Variants in DENND5A observed in about 807,000 individuals in gnomAD.
DENND5A encodes the protein DENN domain containing 5A.
Under a neutral mutation model 140.3 loss-of-function variants are expected in DENND5A, and 64 were observed. The observed-to-expected ratio is 0.46, with a 90% CI of 0.37 to 0.56. The LOEUF (loss-of-function observed/expected upper bound fraction) is 0.56. DENND5A is among the 20% of genes least tolerant of loss of function. The pLI, the probability that DENND5A is intolerant of heterozygous loss-of-function variation, is 0.00. For missense variants in DENND5A, 1,292 were observed against 1,593.8 expected (o/e 0.81, Z 3.22); for synonymous variants, 605 against 607.7 (o/e 1.00, Z 0.07).
chr11:9,151,887 ATTT>A (rs988698540), intron 13 of DENND5A, among the ~76,000 whole-genome samples: 2 of 152,204 alleles, frequency 1.3e-5, no homozygotes, highest in African/African-American at 4.8e-5. Context: ...AAACTCTGAC[ATTT>A]TTATTAGGTT....
At chr11:9,153,419 G>A (rs1170732300) in intron 12 of DENND5A, among the ~76,000 whole-genome samples, 1 of 150,288 alleles carries the variant, frequency 6.7e-6, no homozygotes, top group Non-Finnish European at 1.5e-5. Flanking sequence ...TTTTATGTCA[G>A]CTTGATGGCT....
chr11:9,158,385 A>C (rs1194280748), intron 12 of DENND5A, among the ~76,000 whole-genome samples: 1 of 151,776 alleles, frequency 6.6e-6, no homozygotes, highest in African/African-American at 2.4e-5. Flanking sequence ...TCTCTACAAA[A>C]AAAAAAAATA....
rs1437337361 is a variant in DENND5A at position 9,147,036 on chromosome 11, T to C, written c.2851A>G (p.Thr951Ala). Residue 951 changes from threonine (T) to alanine (A), a missense_variant, in exon 16 of 23, where the codon ACT becomes GCT. Thr to Ala is a moderately conservative substitution (Grantham distance 58). Transcript: ENST00000328194. ...DYFCFTNVFT[T>A]ILIPYHILIV... Reference sequence around the variant, plus strand: ...GGAGCACAGGGCTACTCACGGATAGTTGTGAAGACATTGGTGAAGCAAAAG... The same window carrying C: ...GGAGCACAGGGCTACTCACGGATAGCTGTGAAGACATTGGTGAAGCAAAAG... The C allele has an allele frequency of 2.5e-6, 4 of 1,614,082 alleles. No individual in the cohort carries two copies. Among genetic ancestry groups the C allele is most frequent in the Non-Finnish European group, 2.5e-6 (3 of 1,180,022 alleles).
intron 10 of DENND5A, among the ~76,000 whole-genome samples, chr11:9,168,058 G>T (rs941075119): frequency 6.8e-6 from 1 of 147,404 alleles, no homozygotes; most frequent in Non-Finnish European, 1.5e-5. Context: ...AACCTCTTTT[G>T]TCACCTTTGT....
At chr11:9,170,158 T>C in intron 9 of DENND5A, 1 of 565,104 alleles carries the variant, frequency 1.8e-6, no homozygotes, top group Non-Finnish European at 2.2e-6. Flanking sequence ...ATGGAACATG[T>C]CTCTCTTGAA....
At chr11:9,220,785 G>A (rs1276130371) in intron 1 of DENND5A, among the ~76,000 whole-genome samples, 1 of 151,700 alleles carries the variant, frequency 6.6e-6, no homozygotes, top group African/African-American at 2.4e-5. Flanking sequence ...CCCAGCTACT[G>A]GGGAGGCTGA....
Position 9,265,125 on chromosome 11 carries a change from C to A in DENND5A, c.-56G>T. 9.3e-7 allele frequency: 1 copy of A among 1,073,280 alleles called. No homozygotes were observed. The highest frequency in any genetic ancestry group is 1.2e-6 in the Non-Finnish European group (1 of 867,522). 66.5% of individuals were successfully genotyped at this position (1,073,280 alleles called of 1,614,324 possible). A position where few individuals can be genotyped will look rare whatever the true frequency, so the allele number is the denominator to read the frequency against. Reference sequence around the variant, plus strand: ...CGGAGCGGCACCGAGCCCCCGCAACCCGGGCGCCCGCCCGTCCGCCCTCAG... The same window carrying A: ...CGGAGCGGCACCGAGCCCCCGCAACACGGGCGCCCGCCCGTCCGCCCTCAG... On this transcript the variant is annotated 5_prime_UTR_variant, in exon 1 of 23. Transcript: ENST00000328194. This position sits in a 1 kb window ranked among gnomAD's most constrained non-coding sequence, Gnocchi z 4.7.
At position 9,165,863 on chromosome 11, in the gene DENND5A, C is replaced by T. The variant is rs749097432; in HGVS notation, c.2256G>A (p.Glu752=). The change falls in exon 11 of 23, where the codon GAG becomes GAA. Residue 752 remains glutamate, a synonymous_variant. Transcript: ENST00000328194. ...TATTGCGGCATTCCTTCAGCAGGCC[C>T]TCTACAAACTTCCAATTGGTCTGGG... The part of the protein sequence containing the change: ...VIAQTNWKFV[E]GLLKECRNKT... 1 of 1,614,122 alleles carries T rather than the reference C, an allele frequency of 6.2e-7. No individual in the cohort carries two copies. The highest frequency in any genetic ancestry group is 8.5e-7 in the Non-Finnish European group (1 of 1,179,972).
intron 10 of DENND5A, among the ~76,000 whole-genome samples, chr11:9,167,376 T>C (rs1356428578): frequency 6.6e-6 from 1 of 151,266 alleles, no homozygotes; most frequent in East Asian, 1.9e-4. Flanking sequence ...CAAAATATTC[T>C]GCCCACAGCC....
At chr11:9,147,810 C>A (rs530880228) in intron 15 of DENND5A, among the ~76,000 whole-genome samples, 1 of 152,166 alleles carries the variant, frequency 6.6e-6, no homozygotes, top group African/African-American at 2.4e-5. Context: ...CCAGGCCCTC[C>A]GCAGCTTCAA....
At chr11:9,207,429 A>C in intron 2 of DENND5A, 132 bp downstream of exon 2, 1 of 648,944 alleles carries the variant, frequency 1.5e-6, no homozygotes, top group Admixed American at 2.7e-5. Flanking sequence ...GAGGGATACA[A>C]ATCTGAAAAA....
intron 1 of DENND5A, among the ~76,000 whole-genome samples, chr11:9,217,822 T>C (rs965628552): frequency 1.3e-5 from 2 of 152,106 alleles, no homozygotes; most frequent in African/African-American, 4.8e-5. Context: ...TAAAATACAG[T>C]CTCCTACTGT....
At chr11:9,256,214 C>A (rs1017413625) in intron 1 of DENND5A, among the ~76,000 whole-genome samples, 1 of 152,140 alleles carries the variant, frequency 6.6e-6, no homozygotes, top group Non-Finnish European at 1.5e-5. Flanking sequence ...GTAATCCCAG[C>A]ACTTTAGGAG....
At chr11:9,192,493 T>C (rs1849166093) in intron 5 of DENND5A, among the ~76,000 whole-genome samples, 1 of 152,076 alleles carries the variant, frequency 6.6e-6, no homozygotes. Context: ...CCGGGTGTGG[T>C]GGTGGGCACC....
chr11:9,250,572 CA>C (rs1456890686), intron 1 of DENND5A, among the ~76,000 whole-genome samples: 1 of 152,098 alleles, frequency 6.6e-6, no homozygotes, highest in African/African-American at 2.4e-5. Context: ...AGTAAGACAG[CA>C]AACAGAAGAC....
At chr11:9,178,743 G>C in intron 7 of DENND5A, 115 bp downstream of exon 7, 1 of 864,288 alleles carries the variant, frequency 1.2e-6, no homozygotes, top group East Asian at 2.6e-5. Context: ...CCATAAACTT[G>C]TTTCCAGCAT....
At chr11:9,168,694 T>A (rs921019137) in intron 10 of DENND5A, among the ~76,000 whole-genome samples, 1 of 152,086 alleles carries the variant, frequency 6.6e-6, no homozygotes, top group Admixed American at 6.5e-5. Context: ...CATAACCATA[T>A]CTTACAATTT....
At chr11:9,168,356 C>A (rs973790132) in intron 10 of DENND5A, among the ~76,000 whole-genome samples, 1 of 152,190 alleles carries the variant, frequency 6.6e-6, no homozygotes, top group Non-Finnish European at 1.5e-5. Flanking sequence ...CTGCCATCCA[C>A]GTTAAGACGT....
At chr11:9,142,196 A>G in intron 21 of DENND5A, 88 bp from the exon 22 acceptor site, 2 of 1,067,570 alleles carry the variant, frequency 1.9e-6, no homozygotes, top group Non-Finnish European at 2.7e-6. Context: ...GGCCTCTCCA[A>G]GTCCACACAG....
Sources: gnomAD v4.1 joint callset for allele counts (sites outside exome capture counted in the v4.1 genomes callset) on GRCh38, gnomAD v4.1.1 for gene constraint, Gnocchi (gnomAD v3.1) non-coding constraint, MANE v1.5 for transcripts, NCBI Gene and HGNC (gene_info 2026-07-23, HGNC 2026-07-21) for gene names.